The following RAD51B variants were observed in gnomAD, a reference collection of about 807,000 sequenced individuals.
The protein encoded by RAD51B is RAD51 paralog B, also known as DNA repair protein RAD51 homolog 2.
In RAD51B, 38 loss-of-function variants were observed where a neutral mutation model predicts 42.2. The ratio of observed to expected loss-of-function variants is 0.90; its 90% confidence interval spans 0.70 to 1.18. The LOEUF (loss-of-function observed/expected upper bound fraction) is 1.18. Among genes scored for constraint, RAD51B ranks in the 50% most tolerant of loss-of-function variants. The pLI is 0.00. For synonymous variants in RAD51B, 154 were observed against 145.2 expected, an observed-to-expected ratio of 1.06 and a Z score of -0.43; for missense variants, 373 against 400.7, an observed-to-expected ratio of 0.93 and a Z score of 0.59.
intron 7 of RAD51B, among the ~76,000 whole-genome samples, chr14:67,961,868 C>T (rs1355655328): frequency 2.0e-5 from 3 of 152,220 alleles, no homozygotes; most frequent in South Asian, 2.1e-4. Context: ...GAAAAGAGAT[C>T]GCTGACTACA....
intron 8 of RAD51B, among the ~76,000 whole-genome samples, chr14:68,372,128 A>G (rs1197951446): frequency 1.3e-5 from 2 of 152,226 alleles, no homozygotes; most frequent in Non-Finnish European, 2.9e-5. Context: ...AGTTAGGTCC[A>G]GTGCTGCTAA....
At chr14:68,433,315 T>A (rs2085061928) in intron 9 of RAD51B, among the ~76,000 whole-genome samples, 1 of 152,162 alleles carries the variant, frequency 6.6e-6, no homozygotes, top group South Asian at 2.1e-4. Flanking sequence ...TTGGAGAAGT[T>A]CTCCTGGGTA....
At chr14:67,876,773 G>A (rs1384192909) in intron 5 of RAD51B, among the ~76,000 whole-genome samples, 1 of 152,190 alleles carries the variant, frequency 6.6e-6, no homozygotes, top group African/African-American at 2.4e-5. Context: ...TGGATGTAGG[G>A]TTAGGCTAAG....
chr14:68,664,749 A>G (rs1374021861), intron 11 of RAD51B, among the ~76,000 whole-genome samples: 1 of 152,090 alleles, frequency 6.6e-6, no homozygotes, highest in Non-Finnish European at 1.5e-5. Context: ...CTGAGCCTTT[A>G]CCACTCAACT....
Position 68,580,926 on chromosome 14 carries a change from C to T in RAD51B, c.1037-13559C>T, listed in dbSNP as rs570198320. On this transcript the variant is annotated intron_variant, in intron 10 of 10. Coordinates refer to the RAD51B transcript ENST00000487270. ...TTTGGCGGTCATCTCTGGAGAAGGGCGGCTGGGGCTCAGGAGGCTGAGGGA... is the reference window on the plus strand; with the variant it reads ...TTTGGCGGTCATCTCTGGAGAAGGGTGGCTGGGGCTCAGGAGGCTGAGGGA... Among the ~76,000 whole-genome samples, 200 of 152,274 alleles carry T rather than the reference C, an allele frequency of 1.3e-3. 1 individual carries two copies. Among genetic ancestry groups the T allele is most frequent in the African/African-American group, 4.5e-3 (187 of 41,550 alleles).
rs1481041917 is a variant in RAD51B at position 67,864,424 on chromosome 14, T to C, written c.316-579T>C. On this transcript the variant is annotated intron_variant, in intron 4 of 10. Coordinates refer to ENST00000471583, the MANE Select transcript of RAD51B (RefSeq NM_133510.4). ...GCAATAAATTTGCTTTATTTCTCTT[T>C]CTACACACATATATGCACACACATA... 2.0e-5 allele frequency among the ~76,000 whole-genome samples: 3 copies of C among 152,218 alleles called. No individual in the cohort carries two copies. The South Asian group carries it at 6.2e-4, about 31-fold the overall frequency.
chr14:68,596,043 G>A, downstream of RAD51B: 1 of 1,047,722 alleles, frequency 9.5e-7, no homozygotes, highest in Non-Finnish European at 1.2e-6. Flanking sequence ...TTATCTGAGA[G>A]ACCAGCAGAT....
intron 7 of RAD51B, among the ~76,000 whole-genome samples, chr14:68,012,173 G>A (rs1381202843): frequency 1.3e-5 from 2 of 152,126 alleles, no homozygotes; most frequent in Non-Finnish European, 2.9e-5. Context: ...GTTCAGGGAA[G>A]CTTGTACTTT....
chr14:68,059,083 G>A (rs919117471), intron 7 of RAD51B, among the ~76,000 whole-genome samples: 3 of 152,022 alleles, frequency 2.0e-5, no homozygotes, highest in African/African-American at 7.2e-5. Context: ...CTTCCAGCAA[G>A]CTTAAGCCCC....
chr14:68,254,291 A>G (rs973816802), intron 7 of RAD51B, among the ~76,000 whole-genome samples: 1 of 152,206 alleles, frequency 6.6e-6, no homozygotes, highest in African/African-American at 2.4e-5. Context: ...CATTCTTTAC[A>G]TAAGAACAGG....
At chr14:68,358,693 C>T (rs1308920117) in intron 8 of RAD51B, among the ~76,000 whole-genome samples, 1 of 152,122 alleles carries the variant, frequency 6.6e-6, no homozygotes, top group Admixed American at 6.6e-5. Context: ...AGGTCCTGTC[C>T]AAAAACTCTA....
intron 7 of RAD51B, among the ~76,000 whole-genome samples, chr14:67,912,867 G>A (rs982425558): frequency 1.6e-4 from 25 of 151,888 alleles, no homozygotes; most frequent in Admixed American, 2.6e-4. Flanking sequence ...CACCATGCCC[G>A]GCTAATTTTT....
rs553291672 is a variant in RAD51B at position 67,953,360 on chromosome 14, A to G, written c.756+66156A>G. ...TATTTGGGAACAGGAAGCCTGATTT[A>G]GGGTGAAGTATAACTTTTATAGAGG... On this transcript the variant is annotated intron_variant, in intron 7 of 10. Coordinates refer to ENST00000471583, the MANE Select transcript of RAD51B (RefSeq NM_133510.4). Among the ~76,000 whole-genome samples the G allele has an allele frequency of 8.1e-4, 123 of 152,208 alleles. 1 individual carries two copies. The highest frequency in any genetic ancestry group is 2.9e-3 in the African/African-American group (121 of 41,560).
chr14:68,008,257 A>T (rs1005135905), intron 7 of RAD51B, among the ~76,000 whole-genome samples: 1 of 152,010 alleles, frequency 6.6e-6, no homozygotes, highest in African/African-American at 2.4e-5. Context: ...TACATATAGT[A>T]CAATATTTTA....
intron 7 of RAD51B, among the ~76,000 whole-genome samples, chr14:67,934,387 T>G (rs568530161): frequency 6.6e-6 from 1 of 152,282 alleles, no homozygotes; most frequent in African/African-American, 2.4e-5. Flanking sequence ...ACAGGCGTAC[T>G]GTGAAGGAAG....
intron 7 of RAD51B, among the ~76,000 whole-genome samples, chr14:67,982,954 C>A (rs1566554737): frequency 6.6e-6 from 1 of 152,052 alleles, no homozygotes; most frequent in Non-Finnish European, 1.5e-5. Context: ...AGTCTCAGCA[C>A]TTTGGAGGCA....
At chr14:68,102,347 A>G (rs2077305305) in intron 7 of RAD51B, among the ~76,000 whole-genome samples, 1 of 152,160 alleles carries the variant, frequency 6.6e-6, no homozygotes, top group Non-Finnish European at 1.5e-5. Flanking sequence ...TTTCTTTTCT[A>G]TTGCAATTTT....
At chr14:68,127,648 CACACACAT>C (rs1243729532) in intron 7 of RAD51B, among the ~76,000 whole-genome samples, 4,472 of 132,960 alleles carry the variant, frequency 0.034, 214 homozygotes, top group African/African-American at 0.14. Context: ...CACACACACA[CACACACAT>C]ACACACAGTA....
chr14:68,530,073 A>G (rs1887178567), intron 10 of RAD51B, among the ~76,000 whole-genome samples: 1 of 152,196 alleles, frequency 6.6e-6, no homozygotes, highest in Admixed American at 6.5e-5. Flanking sequence ...GGGCATGAAG[A>G]TATACTGAGA....
Sources: allele counts gnomAD v4.1 joint callset (sites outside exome capture counted in the v4.1 genomes callset), GRCh38; gene constraint gnomAD v4.1.1; transcripts MANE v1.5; gene names NCBI Gene and HGNC (gene_info 2026-07-23, HGNC 2026-07-21).